The following GAS7 variants were observed in gnomAD, a reference collection of about 807,000 sequenced individuals.
GAS7 encodes the protein growth arrest specific 7.
A neutral mutation model predicts 71.1 loss-of-function variants in GAS7; 28 were observed. That is an observed-to-expected ratio of 0.39 (90% confidence interval 0.29 to 0.54). The LOEUF is 0.54. Ranked by LOEUF, GAS7 falls within the 20% of genes least tolerant of loss-of-function variation. The probability of loss-of-function intolerance (pLI) is 0.62; values close to 1 mark genes in which losing one functional copy is unlikely to be tolerated. For missense variants in GAS7, 436 were observed against 627.8 expected (o/e 0.69, Z 3.27); for synonymous variants, 258 against 245.8 (o/e 1.05, Z -0.46).
At chr17:10,022,916 G>A (rs1272024038) in intron 1 of GAS7, among the ~76,000 whole-genome samples, 1 of 152,198 alleles carries the variant, frequency 6.6e-6, no homozygotes, top group African/African-American at 2.4e-5. Flanking sequence ...TGAGAGGGCT[G>A]GGCAGTGAGG....
chr17:10,034,314 T>TA lies in GAS7; in HGVS notation c.184-14418_184-14417insT. 1.7e-5 allele frequency: 11 copies of TA among 652,404 alleles called. No individual in the cohort carries two copies. Among genetic ancestry groups the TA allele is most frequent in the Non-Finnish European group, 1.9e-5 (10 of 536,006 alleles). 40.4% of individuals were successfully genotyped at this position (652,404 alleles called of 1,614,324 possible). A position where few individuals can be genotyped will look rare whatever the true frequency, so the allele number is the denominator to read the frequency against. ...TATATATAGCCTAATACTTAATAAT[T>TA]CTTTTTTTTTTTTTTAGACAGTCTT... On this transcript the variant is annotated intron_variant, in intron 1 of 13. Transcript: ENST00000432992. The surrounding 1 kb of genome is among the most constrained non-coding windows in gnomAD (Gnocchi z 4.4).
At chr17:9,942,504 G>C (rs2068640119) in intron 7 of GAS7, among the ~76,000 whole-genome samples, 2 of 151,648 alleles carry the variant, frequency 1.3e-5, no homozygotes, top group African/African-American at 4.8e-5. Flanking sequence ...TGAATTTATT[G>C]TTTCTTCATC....
intron 5 of GAS7, among the ~76,000 whole-genome samples, chr17:9,947,498 A>G (rs62064533): frequency 0.11 from 16,980 of 152,146 alleles, 983 homozygotes; most frequent in South Asian, 0.14. Flanking sequence ...TAATCCCAGC[A>G]CTTTGGGAGG....
Position 10,160,863 on chromosome 17 carries a change from G to A in GAS7, c.183+37345C>T, listed in dbSNP as rs1001903376. 7.8e-4 allele frequency among the ~76,000 whole-genome samples: 118 copies of A among 151,780 alleles called. 2 individuals are homozygous for A. Among genetic ancestry groups the A allele is most frequent in the African/African-American group, 1.8e-3 (75 of 41,304 alleles). ...CCCAAGTAGCGGGAACTGCTGGCAT[G>A]AGCCACCACACCTGGTCATAATATG... On this transcript the variant is annotated intron_variant, in intron 1 of 13. Transcript: ENST00000432992.
At chr17:10,002,488 G>T (rs2071305235) in intron 2 of GAS7, among the ~76,000 whole-genome samples, 1 of 151,864 alleles carries the variant, frequency 6.6e-6, no homozygotes, top group Non-Finnish European at 1.5e-5. Flanking sequence ...GTATACATGT[G>T]CCATGTTGGT....
At chr17:10,004,760 C>T (rs149146214) in intron 2 of GAS7, among the ~76,000 whole-genome samples, 6,285 of 152,164 alleles carry the variant, frequency 0.041, 213 homozygotes, top group African/African-American at 0.082. Context: ...GCCTCTAATC[C>T]CAGCATTTTG....
intron 2 of GAS7, among the ~76,000 whole-genome samples, chr17:9,997,353 C>T (rs2071089639): frequency 6.6e-6 from 1 of 152,006 alleles, no homozygotes; most frequent in Non-Finnish European, 1.5e-5. Context: ...GCAGAAATCA[C>T]AAAAGGAAAA....
chr17:10,144,394 G>A (rs868100912), intron 1 of GAS7, among the ~76,000 whole-genome samples: 8 of 152,156 alleles, frequency 5.3e-5, no homozygotes, highest in South Asian at 2.1e-4. Context: ...AGCAGGACAG[G>A]CCCCAAGAGG....
chr17:10,189,472 A>G (rs905433614), intron 1 of GAS7, among the ~76,000 whole-genome samples: 2 of 151,828 alleles, frequency 1.3e-5, no homozygotes, highest in Non-Finnish European at 2.9e-5. Flanking sequence ...AAAATGACCC[A>G]TCTCCCCAGG....
At chr17:10,133,405 G>A (rs1249797951) in intron 1 of GAS7, among the ~76,000 whole-genome samples, 1 of 152,048 alleles carries the variant, frequency 6.6e-6, no homozygotes, top group Non-Finnish European at 1.5e-5. Context: ...TTACAGGTGT[G>A]AGCCACTGCG....
intron 1 of GAS7, among the ~76,000 whole-genome samples, chr17:10,181,832 G>T (rs62064587): frequency 6.6e-6 from 1 of 152,050 alleles, no homozygotes; most frequent in Non-Finnish European, 1.5e-5. Context: ...TAAAGGAGCC[G>T]GCCAAAACCC....
chr17:9,925,422 G>A (rs575663082), intron 11 of GAS7, 54 bp downstream of exon 11: 85 of 1,590,626 alleles, frequency 5.3e-5, no homozygotes, highest in African/African-American at 2.6e-4. Flanking sequence ...TCCTAGCCCC[G>A]TGCCCTCTCC....
intron 1 of GAS7, among the ~76,000 whole-genome samples, chr17:10,154,512 CA>C (rs1209400210): frequency 3.5e-4 from 50 of 143,440 alleles, no homozygotes; most frequent in Admixed American, 3.5e-4. Flanking sequence ...TCAAGAAAAA[CA>C]AAAAAAAAAA....
intron 1 of GAS7, among the ~76,000 whole-genome samples, chr17:10,121,253 C>A (rs2073902564): frequency 6.6e-6 from 1 of 152,070 alleles, no homozygotes; most frequent in Non-Finnish European, 1.5e-5. Context: ...TGGTGGCATG[C>A]ACCTGTAGTC....
At chr17:10,060,356 G>A (rs1366155441) in intron 1 of GAS7, among the ~76,000 whole-genome samples, 1 of 152,140 alleles carries the variant, frequency 6.6e-6, no homozygotes, top group Non-Finnish European at 1.5e-5. Flanking sequence ...GAGCAGCAGC[G>A]CAGGGTCTTC....
rs2067455299 is a variant in GAS7, at chr17:9,912,133, G to A, written c.*5095C>T. 4.3e-6 allele frequency: 1 copy of A among 231,874 alleles called. No homozygotes were observed. Among genetic ancestry groups the A allele is most frequent in the Admixed American group, 5.6e-5 (1 of 17,728 alleles). The allele number at this position is 231,874 out of a possible 1,614,324, so 14.4% of individuals were successfully genotyped here. A position where few individuals can be genotyped will look rare whatever the true frequency, so the allele number is the denominator to read the frequency against. On this transcript the variant is annotated 3_prime_UTR_variant, in exon 14 of 14. Coordinates refer to ENST00000432992, the MANE Select transcript of GAS7 (RefSeq NM_201433.2). The stretch of plus-strand genomic sequence containing the variant: ...AACGGTCATTACTTGCACTGTCTTT[G>A]GGGGGTCCTAGGAGAAACTACCTCA...
chr17:10,049,909 C>T (rs972618451), intron 1 of GAS7, among the ~76,000 whole-genome samples: 2 of 152,090 alleles, frequency 1.3e-5, no homozygotes, highest in East Asian at 1.9e-4. Flanking sequence ...CGTGAGCCAC[C>T]GCGCCCGGTC....
At chr17:10,010,992 G>T (rs2071748373) in intron 2 of GAS7, among the ~76,000 whole-genome samples, 1 of 152,154 alleles carries the variant, frequency 6.6e-6, no homozygotes, top group Non-Finnish European at 1.5e-5. Flanking sequence ...GTTGAATTTG[G>T]CCCATAGGCC....
intron 1 of GAS7, among the ~76,000 whole-genome samples, chr17:10,128,665 G>A (rs1323478722): frequency 1.4e-5 from 2 of 145,956 alleles, no homozygotes; most frequent in African/African-American, 2.6e-5. Context: ...AGTCACCCAC[G>A]CTGGAGTGCA....
Sources: gnomAD v4.1 joint callset for allele counts (sites outside exome capture counted in the v4.1 genomes callset) on GRCh38, gnomAD v4.1.1 for gene constraint, Gnocchi (gnomAD v3.1) non-coding constraint, MANE v1.5 for transcripts, NCBI Gene and HGNC (gene_info 2026-07-23, HGNC 2026-07-21) for gene names.